Variants in TMOD3 observed in about 807,000 individuals in gnomAD.
The protein encoded by TMOD3 is tropomodulin-3.
Under a neutral mutation model 39.2 loss-of-function variants are expected in TMOD3, and 20 were observed. The ratio of observed to expected loss-of-function variants is 0.51; its 90% CI spans 0.36 to 0.74. TMOD3 has a LOEUF of 0.74. TMOD3 is among the 30% of genes least tolerant of loss of function. TMOD3 has a pLI of 0.00. For synonymous variants in TMOD3, 143 were observed against 145.8 expected, an observed-to-expected ratio of 0.98 and a Z score of 0.14; for missense variants, 381 against 412.8, an observed-to-expected ratio of 0.92 and a Z score of 0.67.
chr15:51,906,110 C>T (rs1348696893), intron 9 of TMOD3, among the ~76,000 whole-genome samples: 1 of 152,068 alleles, frequency 6.6e-6, no homozygotes, highest in Non-Finnish European at 1.5e-5. Context: ...CAGAAATGGC[C>T]CGTTGCCCCA....
At chr15:51,852,578 G>A (rs935048390) in intron 1 of TMOD3, among the ~76,000 whole-genome samples, 1 of 152,136 alleles carries the variant, frequency 6.6e-6, no homozygotes, top group Non-Finnish European at 1.5e-5. Flanking sequence ...TGAAGAAGGG[G>A]CTGCAAAGGA....
intron 3 of TMOD3, among the ~76,000 whole-genome samples, chr15:51,880,110 T>C (rs2056525653): frequency 6.6e-6 from 1 of 152,214 alleles, no homozygotes; most frequent in Admixed American, 6.5e-5. Flanking sequence ...TTATGTCATA[T>C]GAAATTATTC....
At chr15:51,866,454 T>C (rs892593540) in intron 2 of TMOD3, among the ~76,000 whole-genome samples, 1 of 149,872 alleles carries the variant, frequency 6.7e-6, no homozygotes, top group African/African-American at 2.5e-5. Context: ...CAAGACCCTG[T>C]CTCCCCCCTA....
intron 3 of TMOD3, among the ~76,000 whole-genome samples, chr15:51,869,933 TTTTG>T (rs533227194): frequency 2.4e-4 from 37 of 152,052 alleles, no homozygotes; most frequent in African/African-American, 2.9e-4. Flanking sequence ...GTGGTTGTTT[TTTTG>T]TTTGTTTGTT....
chr15:51,841,124 AT>A (rs924624090), intron 1 of TMOD3, among the ~76,000 whole-genome samples: 1 of 152,182 alleles, frequency 6.6e-6, no homozygotes, highest in Non-Finnish European at 1.5e-5. Flanking sequence ...AGATAGAACT[AT>A]TTTGCAAGGT....
At chr15:51,835,778 C>T (rs76398963) in intron 1 of TMOD3, among the ~76,000 whole-genome samples, 2 of 152,134 alleles carry the variant, frequency 1.3e-5, no homozygotes, top group Non-Finnish European at 2.9e-5. Flanking sequence ...CCTCATTATT[C>T]TTATGTAGCT....
Position 51,909,826 on chromosome 15 carries a change from G to A in TMOD3, c.*1016G>A, listed in dbSNP as rs1199702734. The A allele has an allele frequency of 6.6e-6, 1 of 152,230 alleles. No homozygotes were observed. Among genetic ancestry groups the A allele is most frequent in the East Asian group, 1.9e-4 (1 of 5,202 alleles). 9.4% of individuals were successfully genotyped at this position (152,230 alleles called of 1,614,324 possible). A position where few individuals can be genotyped will look rare whatever the true frequency, so the allele number is the denominator to read the frequency against. ...CGAAGAAGTTCCTATGTGCAGTGCA[G>A]AATTGCATAAACAGTATTTAATCAC... On this transcript the variant is annotated 3_prime_UTR_variant, in exon 10 of 10. Coordinates refer to ENST00000308580, the MANE Select transcript of TMOD3 (RefSeq NM_014547.5).
chr15:51,910,577 A>G lies in TMOD3; in HGVS notation c.*1767A>G, dbSNP rs2056705200. On this transcript the variant is annotated 3_prime_UTR_variant, in exon 10 of 10. Coordinates refer to ENST00000308580, the MANE Select transcript of TMOD3 (RefSeq NM_014547.5). ...GGTGACAAAGCAAGACTCTGTCTCA[A>G]AAAACAAACAAACAAACAAACTTTT... is the stretch of plus-strand genomic sequence containing the variant. 1 of 152,204 alleles carries G rather than the reference A, an allele frequency of 6.6e-6. No homozygotes were observed. The highest frequency in any genetic ancestry group is 1.5e-5 in the Non-Finnish European group (1 of 68,148). 9.4% of individuals were successfully genotyped at this position (152,204 alleles called of 1,614,324 possible). A position where few individuals can be genotyped will look rare whatever the true frequency, so the allele number is the denominator to read the frequency against.
At chr15:51,834,243 A>G (rs1359704502) in intron 1 of TMOD3, among the ~76,000 whole-genome samples, 2 of 152,042 alleles carry the variant, frequency 1.3e-5, no homozygotes, top group African/African-American at 4.8e-5. Context: ...TCCCTTGTCT[A>G]CTTTCTCAAT....
intron 2 of TMOD3, 69 bp downstream of exon 2, chr15:51,863,079 G>C: frequency 6.6e-7 from 1 of 1,513,036 alleles, no homozygotes; most frequent in Admixed American, 2.0e-5. Context: ...AGCTGCCTTT[G>C]AGCTTTTCCA....
chr15:51,885,966 C>T (rs1311309548), intron 3 of TMOD3, among the ~76,000 whole-genome samples: 1 of 150,226 alleles, frequency 6.7e-6, no homozygotes, highest in South Asian at 2.1e-4. Context: ...CAGGGGCTGC[C>T]CCCTACCTCC....
chr15:51,903,611 G>A (rs1320784438), intron 9 of TMOD3, among the ~76,000 whole-genome samples: 1 of 152,186 alleles, frequency 6.6e-6, no homozygotes, highest in Non-Finnish European at 1.5e-5. Context: ...GAAAATTGGT[G>A]TGTTTTGGTG....
At chr15:51,900,331 C>T (rs1434586004) in intron 8 of TMOD3, 33 bp downstream of exon 8, 1 of 1,612,184 alleles carries the variant, frequency 6.2e-7, no homozygotes, top group South Asian at 1.1e-5. Context: ...GTCGAGGAAG[C>T]TACAGCCCAC....
intron 3 of TMOD3, among the ~76,000 whole-genome samples, chr15:51,877,195 C>T (rs548453735): frequency 3.5e-4 from 53 of 152,136 alleles, no homozygotes; most frequent in African/African-American, 1.2e-3. Context: ...TTTGATAGAC[C>T]GATTTTTTTT....
chr15:51,884,671 A>G (rs1048841528), intron 3 of TMOD3: 3 of 152,188 alleles, frequency 2.0e-5, no homozygotes, highest in Non-Finnish European at 4.4e-5. Flanking sequence ...AAAGTTGGCA[A>G]TTGAGAAAGT....
At chr15:51,900,069 A>AT (rs1555388484) in intron 7 of TMOD3, 86 bp from the exon 8 acceptor site, 10 of 1,300,620 alleles carry the variant, frequency 7.7e-6, no homozygotes, top group Admixed American at 4.0e-5. Flanking sequence ...TAAGGCAGTT[A>AT]ATTAATGTAT....
chr15:51,900,401 C>A, intron 8 of TMOD3, 103 bp downstream of exon 8: 1 of 1,336,762 alleles, frequency 7.5e-7, no homozygotes, highest in Non-Finnish European at 1.0e-6. Context: ...TCAGGGATCC[C>A]TGTTGGAAGA....
intron 7 of TMOD3, among the ~76,000 whole-genome samples, chr15:51,897,536 G>A (rs888742621): frequency 7.1e-6 from 1 of 140,452 alleles, no homozygotes; most frequent in Admixed American, 7.5e-5. Flanking sequence ...CCCGGCTAGA[G>A]TGCAGTGGCG....
chr15:51,899,665 CAAAAA>C (rs796730770), intron 7 of TMOD3, among the ~76,000 whole-genome samples: 1 of 88,614 alleles, frequency 1.1e-5, no homozygotes, highest in Admixed American at 1.2e-4. Context: ...GACCCTGTCT[CAAAAA>C]AAAAAAAAAG....
Sources: gnomAD v4.1 joint callset for allele counts (sites outside exome capture counted in the v4.1 genomes callset) on GRCh38, gnomAD v4.1.1 for gene constraint, MANE v1.5 for transcripts, NCBI Gene and HGNC (gene_info 2026-07-23, HGNC 2026-07-21) for gene names.